The following ITSN2 variants were observed in gnomAD, a reference collection of about 807,000 sequenced individuals.
The protein encoded by ITSN2 is intersectin-2.
In ITSN2, 156 loss-of-function variants were observed where a neutral mutation model predicts 243.7. That is an observed-to-expected ratio of 0.64 (90% CI 0.56 to 0.73). The LOEUF (loss-of-function observed/expected upper bound fraction) is 0.73, where lower values mean the gene tolerates loss of function less well. Ranked by LOEUF, ITSN2 falls within the 30% of genes least tolerant of loss-of-function variation. The pLI is 0.00. For missense variants in ITSN2, 1,801 were observed against 1,996.1 expected, an observed-to-expected ratio of 0.90 and a Z score of 1.86; for synonymous variants, 703 against 699.9, an observed-to-expected ratio of 1.00 and a Z score of -0.07.
intron 9 of ITSN2, among the ~76,000 whole-genome samples, chr2:24,302,553 T>C (rs1431796150): frequency 1.3e-5 from 2 of 152,182 alleles, no homozygotes; most frequent in Admixed American, 6.5e-5. Context: ...GGTACACTTA[T>C]TTTAGTGAAA....
intron 1 of ITSN2, among the ~76,000 whole-genome samples, chr2:24,348,224 G>C (rs1687724295): frequency 1.4e-5 from 2 of 142,388 alleles, no homozygotes; most frequent in South Asian, 4.4e-4. Flanking sequence ...GCCCAAGCTG[G>C]AGTGCAGTGG....
chr2:24,246,784 C>A lies in ITSN2; in HGVS notation c.3385+13G>T. On this transcript the variant is annotated intron_variant, in intron 28 of 39. Coordinates refer to ENST00000355123, the MANE Select transcript of ITSN2 (RefSeq NM_006277.3). ...TCCTCTAAAATGAAATACAAATTAA[C>A]CCACTTCCATACCAGGATGAAAGGC... The A allele has an allele frequency of 6.7e-7, 1 of 1,495,180 alleles. No homozygotes were observed. The allele number at this position is 1,495,180 out of a possible 1,614,324, so 92.6% of individuals were successfully genotyped here. A position where few individuals can be genotyped will look rare whatever the true frequency, so the allele number is the denominator to read the frequency against.
intron 1 of ITSN2, among the ~76,000 whole-genome samples, chr2:24,346,058 T>C (rs929818767): frequency 2.0e-5 from 3 of 152,188 alleles, no homozygotes; most frequent in African/African-American, 4.8e-5. Flanking sequence ...CCACTTGCGA[T>C]GTCTAGCAGT....
rs142101296 is a variant in ITSN2, at chr2:24,317,605, C to T, written c.32-2381G>A. On this transcript the variant is annotated intron_variant, in intron 2 of 39. Transcript: ENST00000355123. The stretch of plus-strand genomic sequence containing the variant: ...GGATTCTTGGGCTGCTGCCAATGAC[C>T]CAGCTGTTTGGTTTGCCACTTGGAA... Among the ~76,000 whole-genome samples the T allele has an allele frequency of 1.5e-3, 227 of 152,282 alleles. 1 individual carries two copies. The highest frequency in any genetic ancestry group is 5.1e-3 in the African/African-American group (214 of 41,554).
Position 24,203,463 on chromosome 2 carries a change from A to AGAT in ITSN2, c.*160_*162dup. ...TTCTTTATGGGAAAGGTGTTTGCAT[A>AGAT]GATTGCTAGCTATTTAGTGTGCAGG... On this transcript the variant is annotated 3_prime_UTR_variant, in exon 40 of 40. Transcript: ENST00000355123. The AGAT allele has an allele frequency of 1.5e-6, 1 of 652,532 alleles. No individual in the cohort carries two copies. Among genetic ancestry groups the AGAT allele is most frequent in the East Asian group, 2.7e-5 (1 of 36,380 alleles). 40.4% of individuals were successfully genotyped at this position (652,532 alleles called of 1,614,324 possible). A position where few individuals can be genotyped will look rare whatever the true frequency, so the allele number is the denominator to read the frequency against.
Position 24,211,140 on chromosome 2 carries a change from G to C in ITSN2, c.4090-193C>G, listed in dbSNP as rs977917385. ...ACAAGTTCTTGGGGACACAGGGACA[G>C]GTAACGCTGCTGTGACAAGGTGACA... On this transcript the variant is annotated intron_variant, in intron 33 of 39. Transcript: ENST00000355123. The surrounding 1 kb of genome is among the most constrained non-coding windows in gnomAD (Gnocchi z 4.1). 2.0e-5 allele frequency among the ~76,000 whole-genome samples: 3 copies of C among 152,192 alleles called. No homozygotes were observed. Among genetic ancestry groups the C allele is most frequent in the African/African-American group, 7.2e-5 (3 of 41,460 alleles).
chr2:24,358,128 C>G (rs1688620839), intron 1 of ITSN2, among the ~76,000 whole-genome samples: 1 of 152,188 alleles, frequency 6.6e-6, no homozygotes, highest in South Asian at 2.1e-4. Flanking sequence ...ATTGGTCAGT[C>G]TCAAACTCCT....
chr2:24,337,332 A>ATATATATATATATATATATG (rs1686531663), intron 1 of ITSN2, among the ~76,000 whole-genome samples: 1 of 107,780 alleles, frequency 9.3e-6, no homozygotes, highest in African/African-American at 3.7e-5. Context: ...ATATATATAT[A>ATATATATATATATATATATG]TATATATATA....
chr2:24,278,349 C>T (rs1452269051), intron 17 of ITSN2, among the ~76,000 whole-genome samples: 4 of 152,170 alleles, frequency 2.6e-5, no homozygotes, highest in African/African-American at 9.7e-5. Flanking sequence ...ACAAGACTGT[C>T]TTTCATCAAG....
chr2:24,237,554 C>T (rs2247083), intron 29 of ITSN2, among the ~76,000 whole-genome samples: 149,151 of 152,286 alleles, frequency 0.98, 73,040 homozygotes, highest in East Asian at 0.99. Context: ...TGCTTGACAA[C>T]TCTATGTGGA....
At position 24,261,772 on chromosome 2, in the gene ITSN2, G is replaced by A. The variant is rs751547847; in HGVS notation, c.2356-30C>T. The A allele has an allele frequency of 2.0e-6, 3 of 1,514,944 alleles. No homozygotes were observed. The East Asian group carries it at 6.8e-5, about 34-fold the overall frequency. The allele number at this position is 1,514,944 out of a possible 1,614,324, so 93.8% of individuals were successfully genotyped here. A position where few individuals can be genotyped will look rare whatever the true frequency, so the allele number is the denominator to read the frequency against. On this transcript the variant is annotated intron_variant, in intron 20 of 39. Transcript: ENST00000355123. ...GGAAATAAAAAGAAGGATTAACAGT[G>A]CTTAGAAATTCACACATTTACAATG...
intron 20 of ITSN2, among the ~76,000 whole-genome samples, chr2:24,267,380 A>AT (rs1052404099): frequency 8.5e-5 from 8 of 94,076 alleles, no homozygotes; most frequent in East Asian, 4.0e-4. Context: ...AACTTAAAGT[A>AT]TAAAAAAAAA....
intron 22 of ITSN2, among the ~76,000 whole-genome samples, chr2:24,260,027 C>A (rs1382756158): frequency 1.3e-5 from 2 of 152,032 alleles, no homozygotes; most frequent in Non-Finnish European, 2.9e-5. Flanking sequence ...CTAAAGTGAT[C>A]CTCCCACCTC....
chr2:24,324,235 AAAATT>A (rs1224041799), intron 2 of ITSN2, among the ~76,000 whole-genome samples: 5 of 152,104 alleles, frequency 3.3e-5, no homozygotes, highest in South Asian at 2.1e-4. Flanking sequence ...CCGTCTCAAA[AAAATT>A]AAATTAAATT....
chr2:24,303,735 A>G, intron 9 of ITSN2, 64 bp downstream of exon 9: 1 of 998,342 alleles, frequency 1.0e-6, no homozygotes, highest in Non-Finnish European at 1.6e-6. Flanking sequence ...GTAATAGGGG[A>G]GAGAGAGTTT....
intron 17 of ITSN2, among the ~76,000 whole-genome samples, chr2:24,276,874 T>C (rs900258960): frequency 3.9e-5 from 6 of 152,196 alleles, no homozygotes; most frequent in African/African-American, 1.4e-4. Flanking sequence ...CTCATTAAAC[T>C]GGGATAAAGT....
Position 24,328,121 on chromosome 2 carries a change from A to G in ITSN2, c.-33-6T>C. ...CCTTGCTAGCTCTCAGCCATCTGCA[A>G]CATAAAAATATTGTGCCGTTGATAA... On this transcript the variant is annotated splice_polypyrimidine_tract_variant and splice_region_variant and intron_variant, in intron 1 of 39. Coordinates refer to ENST00000355123, the MANE Select transcript of ITSN2 (RefSeq NM_006277.3). The G allele has an allele frequency of 6.2e-7, 1 of 1,609,102 alleles. No individual in the cohort carries two copies. The highest frequency in any genetic ancestry group is 8.5e-7 in the Non-Finnish European group (1 of 1,175,834).
intron 1 of ITSN2, among the ~76,000 whole-genome samples, chr2:24,347,191 A>G (rs1439579632): frequency 6.6e-6 from 1 of 152,156 alleles, no homozygotes; most frequent in African/African-American, 2.4e-5. Flanking sequence ...ATATCTAAAG[A>G]ACAAAAATAG....
Position 24,261,222 on chromosome 2 carries a change from C to T in ITSN2, c.2566G>A (p.Val856Met), listed in dbSNP as rs1412024683. The change falls in exon 22 of 40, where the codon GTG becomes ATG. Residue 856 changes from valine to methionine, a missense_variant. Transcript: ENST00000355123. ...AAAGATACATTTTGATAATCAGTCA[C>T]TGATGCTGGTTGATTTGAAGAAAGT... Reference protein sequence around the residue: ...EPLSSNQPASVTDYQNVSFSN... With the variant: ...EPLSSNQPASMTDYQNVSFSN... The T allele has an allele frequency of 6.2e-7, 1 of 1,612,310 alleles. No individual in the cohort carries two copies. Among genetic ancestry groups the T allele is most frequent in the Admixed American group, 1.7e-5 (1 of 59,972 alleles).
Sources: gnomAD v4.1 joint callset for allele counts (sites outside exome capture counted in the v4.1 genomes callset) on GRCh38, gnomAD v4.1.1 for gene constraint, Gnocchi (gnomAD v3.1) non-coding constraint, MANE v1.5 for transcripts, NCBI Gene and HGNC (gene_info 2026-07-23, HGNC 2026-07-21) for gene names.